KRIT1: variants seen among roughly 807,000 people sequenced by gnomAD.
KRIT1 encodes the protein KRIT1 ankyrin repeat containing, also known as krev interaction trapped protein 1.
KRIT1 carries 45 observed loss-of-function variants against 95.8 expected under a neutral mutation model. The ratio of observed to expected loss-of-function variants is 0.47; its 90% confidence interval spans 0.37 to 0.60. KRIT1 has a LOEUF of 0.60. Among genes scored for constraint, KRIT1 ranks in the 20% least tolerant of loss-of-function variants. The probability of loss-of-function intolerance (pLI) is 0.00; values close to 1 mark genes in which losing one functional copy is unlikely to be tolerated. For synonymous variants in KRIT1, 282 were observed against 278.8 expected, an observed-to-expected ratio of 1.01 and a Z score of -0.11; for missense variants, 788 against 877.5, an observed-to-expected ratio of 0.90 and a Z score of 1.29.
intron 17 of KRIT1, chr7:92,202,171 A>C (rs1203341621): frequency 6.6e-6 from 1 of 152,228 alleles, no homozygotes; most frequent in Non-Finnish European, 1.5e-5. Context: ...ACACTGATAT[A>C]TTTATTATAA....
At chr7:92,241,891 G>GA (rs1205989374) in intron 4 of KRIT1, 143 bp downstream of exon 4, 3 of 587,972 alleles carry the variant, frequency 5.1e-6, no homozygotes, top group Admixed American at 6.2e-5. Flanking sequence ...GCACGTGGCA[G>GA]AAAAAAGACA....
At chr7:92,234,780 G>A in intron 9 of KRIT1, 28 bp downstream of exon 9, 3 of 1,293,074 alleles carry the variant, frequency 2.3e-6, no homozygotes, top group Non-Finnish European at 3.4e-6. Flanking sequence ...TTTTATAAAA[G>A]CAATGTGGAG....
intron 12 of KRIT1, among the ~76,000 whole-genome samples, chr7:92,223,442 C>CAAAAAAAAA: frequency 1.7e-5 from 1 of 58,064 alleles, no homozygotes. Context: ...GACTCCATCT[C>CAAAAAAAAA]AAAAAAAAAA....
intron 14 of KRIT1, among the ~76,000 whole-genome samples, chr7:92,221,431 C>T (rs565952577): frequency 4.0e-4 from 61 of 151,368 alleles, no homozygotes; most frequent in East Asian, 1.7e-3. Context: ...AAGACTCAGT[C>T]TCAAAAAAAA....
At chr7:92,223,011 A>G in intron 12 of KRIT1, 33 bp from the exon 13 acceptor site, 1 of 1,399,726 alleles carries the variant, frequency 7.1e-7, no homozygotes. Flanking sequence ...TAACGAACTT[A>G]AAAAATTATA....
intron 7 of KRIT1, chr7:92,235,966 TAA>T: frequency 3.9e-6 from 1 of 256,054 alleles, no homozygotes; most frequent in Non-Finnish European, 7.5e-6. Flanking sequence ...ATACAGCAAA[TAA>T]ATTTTTTAAA....
intron 12 of KRIT1, among the ~76,000 whole-genome samples, chr7:92,225,166 TG>T (rs1795968153): frequency 6.6e-6 from 1 of 152,106 alleles, no homozygotes; most frequent in Non-Finnish European, 1.5e-5. Context: ...AAAAAAATTA[TG>T]TGTAATCAAC....
At chr7:92,213,737 T>A (rs1484748034) in intron 16 of KRIT1, among the ~76,000 whole-genome samples, 155 bp downstream of exon 16, 11 of 152,174 alleles carry the variant, frequency 7.2e-5, no homozygotes, top group Non-Finnish European at 1.2e-4. Context: ...AATAAAAATA[T>A]CTTGCTACTT....
At chr7:92,235,753 AT>A in intron 7 of KRIT1, 107 bp from the exon 8 acceptor site, 2 of 982,320 alleles carry the variant, frequency 2.0e-6, no homozygotes, top group Non-Finnish European at 1.5e-6. Context: ...TTACCTTCAG[AT>A]TTTTATAATT....
Position 92,200,696 on chromosome 7 carries a change from A to G in KRIT1, c.*40T>C, listed in dbSNP as rs377118330. 9.0e-5 allele frequency: 118 copies of G among 1,311,726 alleles called. No individual in the cohort carries two copies. The African/African-American group carries it at 1.4e-3, about 16-fold the overall frequency. 81.3% of individuals were successfully genotyped at this position (1,311,726 alleles called of 1,614,324 possible). On this transcript the variant is annotated 3_prime_UTR_variant, in exon 19 of 19. Transcript: ENST00000394505. ...ATCTTTCACGGAAAAAAAACTCTGCATTACAAAATGTGGTGGCTTGAGTAA... is the reference window on the plus strand; with the variant it reads ...ATCTTTCACGGAAAAAAAACTCTGCGTTACAAAATGTGGTGGCTTGAGTAA...
At chr7:92,222,768 C>G (rs973616256) in intron 13 of KRIT1, 54 bp downstream of exon 13, 7 of 1,061,308 alleles carry the variant, frequency 6.6e-6, no homozygotes, top group Non-Finnish European at 1.0e-5. Flanking sequence ...TCTACCAACC[C>G]ACTCCCAAAA....
intron 18 of KRIT1, 68 bp from the exon 19 acceptor site, chr7:92,200,872 T>C (rs1187481709): frequency 5.6e-6 from 6 of 1,077,180 alleles, no homozygotes; most frequent in Non-Finnish European, 7.1e-6. Flanking sequence ...ATTCATGACA[T>C]TGGGCAGTTC....
intron 17 of KRIT1, among the ~76,000 whole-genome samples, chr7:92,205,001 C>G (rs904866235): frequency 2.6e-5 from 4 of 152,118 alleles, no homozygotes; most frequent in African/African-American, 9.7e-5. Context: ...TATAAAATGA[C>G]TAAACTATGA....
rs1554536465 is a variant in KRIT1, at chr7:92,240,925, T to C, written c.262+68A>G. 16 of 1,268,636 alleles carry C rather than the reference T, an allele frequency of 1.3e-5. No individual in the cohort carries two copies. Among genetic ancestry groups the C allele is most frequent in the East Asian group, 2.3e-5 (1 of 43,220 alleles). The allele number at this position is 1,268,636 out of a possible 1,614,324, so 78.6% of individuals were successfully genotyped here. On this transcript the variant is annotated intron_variant, in intron 5 of 18. Coordinates refer to ENST00000394505, the MANE Select transcript of KRIT1 (RefSeq NM_194454.3). ...AAAAGAAATTGGTTTAATATGTGTA[T>C]ATTTTTAAAAGAATCTTTCTCCACA...
At chr7:92,246,009 T>C (rs1285058102), upstream of KRIT1, 1 of 244,998 alleles carries the variant, frequency 4.1e-6, no homozygotes, top group Non-Finnish European at 8.0e-6. Context: ...TCCTGCTCCT[T>C]TTCACTGGAC....
At chr7:92,238,500 T>C (rs1359448638) in intron 5 of KRIT1, among the ~76,000 whole-genome samples, 2 of 152,188 alleles carry the variant, frequency 1.3e-5, no homozygotes, top group Non-Finnish European at 1.5e-5. Flanking sequence ...GAGCCAATAT[T>C]TGTGATTATT....
At chr7:92,246,036 GC>G (rs1340901503), upstream of KRIT1, 1 of 266,750 alleles carries the variant, frequency 3.7e-6, no homozygotes, top group Non-Finnish European at 7.3e-6. Flanking sequence ...TCTCTCAGGG[GC>G]TGGTGGCAGG....
chr7:92,215,140 TA>T lies in KRIT1; in HGVS notation c.1564-364del, dbSNP rs567955435. Among the ~76,000 whole-genome samples, 546 of 152,054 alleles carry T rather than the reference TA, an allele frequency of 3.6e-3. 10 individuals are homozygous for T. Among genetic ancestry groups the T allele is most frequent in the Middle Eastern group, 0.031 (9 of 294 alleles). ...TATTTTTTTTAACAATCAAAAAACGTAAAAAAAATCATCTTGTGAGGTATAC... is the reference window on the plus strand; with the variant it reads ...TATTTTTTTTAACAATCAAAAAACGTAAAAAAATCATCTTGTGAGGTATAC... On this transcript the variant is annotated intron_variant, in intron 14 of 18. Coordinates refer to ENST00000394505, the MANE Select transcript of KRIT1 (RefSeq NM_194454.3).
intron 17 of KRIT1, among the ~76,000 whole-genome samples, chr7:92,205,361 A>T (rs186625100): frequency 6.6e-6 from 1 of 152,286 alleles, no homozygotes; most frequent in East Asian, 1.9e-4. Context: ...CAACAACAAC[A>T]AAAAAGACAC....
Sources: allele counts gnomAD v4.1 joint callset (sites outside exome capture counted in the v4.1 genomes callset), GRCh38; gene constraint gnomAD v4.1.1; transcripts MANE v1.5; gene names NCBI Gene and HGNC (gene_info 2026-07-23, HGNC 2026-07-21).